STARD9: variants seen among roughly 807,000 people sequenced by gnomAD.
The protein encoded by STARD9 is stAR-related lipid transfer protein 9.
A neutral mutation model predicts 399.8 loss-of-function variants in STARD9; 346 were observed. That is an observed-to-expected ratio of 0.87 (90% CI 0.79 to 0.95). The LOEUF is 0.95. Among genes scored for constraint, STARD9 ranks in the 40% least tolerant of loss-of-function variants. STARD9 has a pLI of 0.00. For missense variants in STARD9, 5,832 were observed against 5,667.5 expected, an observed-to-expected ratio of 1.03 and a Z score of -0.93; for synonymous variants, 2,203 against 2,143.5, an observed-to-expected ratio of 1.03 and a Z score of -0.77.
chr15:42,667,842 T>G (rs2060132788), intron 15 of STARD9, among the ~76,000 whole-genome samples: 1 of 152,244 alleles, frequency 6.6e-6, no homozygotes, highest in South Asian at 2.1e-4. Flanking sequence ...TGCATCATCC[T>G]TATATGTTAT....
At chr15:42,626,674 ATTT>A (rs796664585) in intron 3 of STARD9, among the ~76,000 whole-genome samples, 2 of 118,302 alleles carry the variant, frequency 1.7e-5, no homozygotes, top group Admixed American at 8.5e-5. Context: ...CTAATTTTGT[ATTT>A]TTTTTTTTTT....
chr15:42,705,907 C>A (rs555164207), intron 26 of STARD9, among the ~76,000 whole-genome samples: 21 of 152,246 alleles, frequency 1.4e-4, no homozygotes, highest in African/African-American at 4.8e-4. Flanking sequence ...CGCCTGCCCC[C>A]ACGCCTGGCT....
At chr15:42,575,926 G>T (rs1271801800) in intron 1 of STARD9, among the ~76,000 whole-genome samples, 164 bp downstream of exon 1, 1 of 152,236 alleles carries the variant, frequency 6.6e-6, no homozygotes, top group Non-Finnish European at 1.5e-5. Flanking sequence ...CGGGACCTCA[G>T]TCGAGCTTTC....
chr15:42,644,829 A>C (rs1295731152), intron 7 of STARD9, among the ~76,000 whole-genome samples: 1 of 152,194 alleles, frequency 6.6e-6, no homozygotes, highest in Non-Finnish European at 1.5e-5. Context: ...CTCTTTTATC[A>C]ACTAAGTTTA....
intron 16 of STARD9, chr15:42,672,706 A>C (rs1408435071): frequency 6.6e-6 from 1 of 152,108 alleles, no homozygotes; most frequent in East Asian, 1.9e-4. Context: ...TATAGCTAGG[A>C]TTCTTCCTTC....
intron 3 of STARD9, among the ~76,000 whole-genome samples, chr15:42,597,283 C>A (rs939953551): frequency 1.3e-5 from 2 of 152,154 alleles, no homozygotes; most frequent in African/African-American, 4.8e-5. Context: ...CCAAGCTGGT[C>A]TTGAACTCCT....
At chr15:42,704,478 T>A (rs1427296037) in intron 26 of STARD9, among the ~76,000 whole-genome samples, 1 of 152,222 alleles carries the variant, frequency 6.6e-6, no homozygotes, top group Non-Finnish European at 1.5e-5. Context: ...ATTTTTGCAA[T>A]CTGGCCTTGT....
chr15:42,716,666 C>G lies in STARD9; in HGVS notation c.13285-11C>G, dbSNP rs1255949463. ...CTTCTGGCTCTGTCCTGAGTATCCT[C>G]TCTTCTGCAGGGGCATACAAACTTG... On this transcript the variant is annotated splice_polypyrimidine_tract_variant and intron_variant, in intron 26 of 32. Transcript: ENST00000290607. 1.3e-6 allele frequency: 2 copies of G among 1,515,716 alleles called. No homozygotes were observed. The highest frequency in any genetic ancestry group is 3.9e-5 in the Admixed American group (2 of 50,982). The allele number at this position is 1,515,716 out of a possible 1,614,324, so 93.9% of individuals were successfully genotyped here. A position where few individuals can be genotyped will look rare whatever the true frequency, so the allele number is the denominator to read the frequency against.
rs1433295608 is a variant in STARD9 at position 42,690,520 on chromosome 15, A to T, written c.8942A>T (p.Asp2981Val). 1 of 1,537,130 alleles carries T rather than the reference A, an allele frequency of 6.5e-7. No individual in the cohort carries two copies. Among genetic ancestry groups the T allele is most frequent in the South Asian group, 1.2e-5 (1 of 84,060 alleles). Residue 2981 changes from aspartate to valine, a missense_variant, in exon 23 of 33, where the codon GAC (aspartate) becomes GTC (valine). Transcript: ENST00000290607. The part of the protein sequence containing the change: ...SSTLLCFRDG[D>V]LGKEPFKAAP... ...ACTTTACTGTGTTTTAGAGATGGTG[A>T]CCTAGGGAAGGAGCCTTTCAAGGCT...
chr15:42,626,403 T>C (rs2059221100), intron 3 of STARD9, among the ~76,000 whole-genome samples: 1 of 149,608 alleles, frequency 6.7e-6, no homozygotes, highest in East Asian at 1.9e-4. Context: ...TTCCTCCTCC[T>C]CTTCTTCCTC....
At chr15:42,609,533 A>G (rs1247579654) in intron 3 of STARD9, among the ~76,000 whole-genome samples, 1 of 150,882 alleles carries the variant, frequency 6.6e-6, no homozygotes, top group Non-Finnish European at 1.5e-5. Context: ...ACTGCCTCCC[A>G]GGTTCAAGCA....
At chr15:42,584,153 A>G (rs2058227901) in intron 2 of STARD9, among the ~76,000 whole-genome samples, 1 of 152,046 alleles carries the variant, frequency 6.6e-6, no homozygotes, top group South Asian at 2.1e-4. Context: ...GTCAGCTTGC[A>G]GGTGGTACTC....
At chr15:42,609,953 C>G (rs1595628364) in intron 3 of STARD9, among the ~76,000 whole-genome samples, 1 of 151,878 alleles carries the variant, frequency 6.6e-6, no homozygotes, top group Non-Finnish European at 1.5e-5. Flanking sequence ...ATTAGCTGAG[C>G]ATGGTGGTGG....
At chr15:42,671,756 A>C (rs367879099) in intron 16 of STARD9, 1 of 152,228 alleles carries the variant, frequency 6.6e-6, no homozygotes, top group Non-Finnish European at 1.5e-5. Flanking sequence ...AGGATTGATC[A>C]GGCTATTTGA....
intron 1 of STARD9, among the ~76,000 whole-genome samples, chr15:42,578,640 T>A (rs932161376): frequency 1.2e-4 from 18 of 149,276 alleles, no homozygotes; most frequent in Admixed American, 8.0e-4. Flanking sequence ...TTTTTTTTTT[T>A]AAAGTTTTTC....
At chr15:42,614,637 C>G (rs2058919756) in intron 3 of STARD9, among the ~76,000 whole-genome samples, 1 of 152,162 alleles carries the variant, frequency 6.6e-6, no homozygotes, top group Non-Finnish European at 1.5e-5. Flanking sequence ...TACCCTTTGA[C>G]CTAGGGGTCC....
intron 7 of STARD9, among the ~76,000 whole-genome samples, chr15:42,648,907 AATTT>A (rs1303213156): frequency 2.0e-5 from 3 of 151,886 alleles, no homozygotes; most frequent in Middle Eastern, 6.3e-3. Context: ...TTAATTAATT[AATTT>A]ATTTATTAGA....
intron 26 of STARD9, among the ~76,000 whole-genome samples, chr15:42,699,463 G>T (rs1457644641): frequency 7.1e-6 from 1 of 141,648 alleles, no homozygotes; most frequent in African/African-American, 2.7e-5. Context: ...GCTCAATCTC[G>T]GCTCACTGCA....
intron 3 of STARD9, among the ~76,000 whole-genome samples, chr15:42,600,361 A>G (rs1440195975): frequency 6.6e-6 from 1 of 152,150 alleles, no homozygotes; most frequent in Admixed American, 6.6e-5. Flanking sequence ...GAGAGGAAGC[A>G]GTGTATACTG....
Sources: allele counts gnomAD v4.1 joint callset (sites outside exome capture counted in the v4.1 genomes callset), GRCh38; gene constraint gnomAD v4.1.1; transcripts MANE v1.5; gene names NCBI Gene and HGNC (gene_info 2026-07-23, HGNC 2026-07-21).